The following SLIT2 variants were observed in gnomAD, a reference collection of about 807,000 sequenced individuals.
SLIT2 encodes the protein slit guidance ligand 2.
SLIT2 carries 41 observed loss-of-function variants against 185.7 expected under a neutral mutation model. The observed-to-expected ratio is 0.22, with a 90% CI of 0.17 to 0.29. The LOEUF is 0.29. Among genes scored for constraint, SLIT2 ranks in the 10% least tolerant of loss-of-function variants. The pLI is 1.00. For missense variants in SLIT2, 1,571 were observed against 1,909.0 expected (o/e 0.82, Z 3.30); for synonymous variants, 693 against 680.2 (o/e 1.02, Z -0.29).
intron 4 of SLIT2, among the ~76,000 whole-genome samples, chr4:20,306,986 C>A (rs956467280): frequency 2.0e-5 from 3 of 151,986 alleles, no homozygotes; most frequent in Non-Finnish European, 4.4e-5. Flanking sequence ...AAATTCATTT[C>A]TCTGATATAC....
Position 20,254,885 on chromosome 4 carries a change from G to T in SLIT2, c.179+891G>T. 1 of 455,782 alleles carries T rather than the reference G, an allele frequency of 2.2e-6. No homozygotes were observed. The allele number at this position is 455,782 out of a possible 1,614,324, so 28.2% of individuals were successfully genotyped here. The stretch of plus-strand genomic sequence containing the variant: ...AGTTCCCCTGCCTTCCCCTCTTCGC[G>T]CTCCGTTGCTCGCAGACGTCCCCGC... On this transcript the variant is annotated intron_variant, in intron 1 of 36. Coordinates refer to ENST00000504154, the MANE Select transcript of SLIT2 (RefSeq NM_004787.4). The surrounding 1 kb of genome is among the most constrained non-coding windows in gnomAD (Gnocchi z 5.1).
chr4:20,484,863 A>G lies in SLIT2; in HGVS notation c.540-1337A>G, dbSNP rs1376225423. On this transcript the variant is annotated intron_variant, in intron 6 of 36. Coordinates refer to ENST00000504154, the MANE Select transcript of SLIT2 (RefSeq NM_004787.4). This position sits in a 1 kb window ranked among gnomAD's most constrained non-coding sequence, Gnocchi z 4.3. ...TGCCACAAGAGAGACTATCATTGCTAGCTTACCATATTCTTCACATTCCCC... is the reference window on the plus strand; with the variant it reads ...TGCCACAAGAGAGACTATCATTGCTGGCTTACCATATTCTTCACATTCCCC... Among the ~76,000 whole-genome samples the G allele has an allele frequency of 6.6e-6, 1 of 152,114 alleles. No homozygotes were observed. Among genetic ancestry groups the G allele is most frequent in the Non-Finnish European group, 1.5e-5 (1 of 68,000 alleles).
At chr4:20,608,137 T>C (rs941735142) in intron 33 of SLIT2, among the ~76,000 whole-genome samples, 3 of 152,086 alleles carry the variant, frequency 2.0e-5, no homozygotes, top group Non-Finnish European at 2.9e-5. Context: ...GATACTAATA[T>C]CTAACATTAA....
intron 3 of SLIT2, among the ~76,000 whole-genome samples, chr4:20,266,167 G>A (rs930899148): frequency 6.6e-6 from 1 of 151,672 alleles, no homozygotes; most frequent in Non-Finnish European, 1.5e-5. Flanking sequence ...GAATAAGAAA[G>A]GGATAATAAT....
intron 36 of SLIT2, among the ~76,000 whole-genome samples, chr4:20,618,422 A>G (rs1261687322): frequency 6.6e-6 from 1 of 152,218 alleles, no homozygotes; most frequent in Non-Finnish European, 1.5e-5. Flanking sequence ...TACTCTCTGA[A>G]ACTGCTCCCT....
chr4:20,427,812 A>G (rs909873239), intron 4 of SLIT2, among the ~76,000 whole-genome samples: 2 of 152,094 alleles, frequency 1.3e-5, no homozygotes, highest in Admixed American at 6.6e-5. Context: ...CCCCAACTAC[A>G]TATAGAATGT....
chr4:20,525,253 A>G, intron 15 of SLIT2, 81 bp downstream of exon 15: 1 of 1,029,762 alleles, frequency 9.7e-7, no homozygotes. Context: ...ACTGATATGC[A>G]TGCTTCTGAA....
chr4:20,408,267 G>A (rs1337053861), intron 4 of SLIT2, among the ~76,000 whole-genome samples: 1 of 152,152 alleles, frequency 6.6e-6, no homozygotes, highest in Non-Finnish European at 1.5e-5. Context: ...GGAGAAAGAA[G>A]CTGAGATTAT....
At chr4:20,608,105 G>A (rs1020515209) in intron 33 of SLIT2, among the ~76,000 whole-genome samples, 2 of 151,980 alleles carry the variant, frequency 1.3e-5, no homozygotes, top group Non-Finnish European at 2.9e-5. Flanking sequence ...GTTGGGTGGG[G>A]GACCGATATG....
intron 4 of SLIT2, among the ~76,000 whole-genome samples, chr4:20,275,978 A>G (rs1360336900): frequency 2.0e-5 from 3 of 152,148 alleles, no homozygotes; most frequent in Non-Finnish European, 4.4e-5. Flanking sequence ...TTGCTAAGGA[A>G]CACTTTCACT....
At position 20,399,304 on chromosome 4, in the gene SLIT2, A is replaced by G. The variant is rs1726171157; in HGVS notation, c.396-68448A>G. 2.6e-5 allele frequency among the ~76,000 whole-genome samples: 4 copies of G among 151,656 alleles called. No homozygotes were observed. The Admixed American group carries it at 2.6e-4, about 10-fold the overall frequency. On this transcript the variant is annotated intron_variant, in intron 4 of 36. Transcript: ENST00000504154. ...AAGTTACAGAAGAATTTTAATTGAG[A>G]TAATATTACAATAAAAGTGCCTATA...
intron 4 of SLIT2, among the ~76,000 whole-genome samples, chr4:20,458,502 C>T: frequency 1.3e-5 from 2 of 152,188 alleles, no homozygotes; most frequent in African/African-American, 4.8e-5. Context: ...TGGACCTCTT[C>T]CCTAGCGATT....
At chr4:20,273,195 A>T (rs948946169) in intron 4 of SLIT2, among the ~76,000 whole-genome samples, 2 of 151,064 alleles carry the variant, frequency 1.3e-5, no homozygotes, top group African/African-American at 4.9e-5. Flanking sequence ...AAGGAGACTT[A>T]TTTTTTTTTA....
chr4:20,542,587 AG>A lies in SLIT2; in HGVS notation c.2239del (p.Val747SerfsTer33). 6.2e-7 allele frequency: 1 copy of A among 1,613,906 alleles called. No homozygotes were observed. ...TVVRCSNKGL[K>X]VLPKGIPRDV... ...GTCCGATGTAGCAACAAGGGTTTGA[AG>A]GTCTTGCCGAAAGGTATTCCAAGAG... On this transcript the variant is annotated frameshift_variant, in exon 21 of 37. Coordinates refer to ENST00000504154, the MANE Select transcript of SLIT2 (RefSeq NM_004787.4). LOFTEE classifies it high-confidence loss of function.
intron 17 of SLIT2, 60 bp downstream of exon 17, chr4:20,532,118 G>C: frequency 1.0e-6 from 1 of 960,428 alleles, no homozygotes; most frequent in South Asian, 1.6e-5. Flanking sequence ...GTTCATTTCA[G>C]TTAAGTTTCT....
At chr4:20,311,064 T>C (rs1181571537) in intron 4 of SLIT2, among the ~76,000 whole-genome samples, 1 of 152,190 alleles carries the variant, frequency 6.6e-6, no homozygotes, top group Non-Finnish European at 1.5e-5. Flanking sequence ...TTTTTTTAAT[T>C]TTTTGTTGAA....
At position 20,586,633 on chromosome 4, in the gene SLIT2, A is replaced by C. The variant is rs189826153; in HGVS notation, c.3089-3011A>C. Among the ~76,000 whole-genome samples the C allele has an allele frequency of 2.9e-3, 438 of 152,376 alleles. 4 individuals carry two copies. Among genetic ancestry groups the C allele is most frequent in the African/African-American group, 9.9e-3 (413 of 41,588 alleles). ...TATACAGTGTTTAAAACTGTTTAGC[A>C]TACAGTAGTAAGCATGATATAAATG... On this transcript the variant is annotated intron_variant, in intron 29 of 36. Transcript: ENST00000504154.
At chr4:20,441,939 A>AT (rs537803239) in intron 4 of SLIT2, among the ~76,000 whole-genome samples, 2 of 152,186 alleles carry the variant, frequency 1.3e-5, no homozygotes, top group Admixed American at 1.3e-4. Context: ...CCCAACACAT[A>AT]TTTTTTTAAA....
chr4:20,465,721 CTG>C (rs1458765374), intron 4 of SLIT2, among the ~76,000 whole-genome samples: 2 of 152,212 alleles, frequency 1.3e-5, no homozygotes, highest in Non-Finnish European at 2.9e-5. Context: ...GGCATTCTGA[CTG>C]TGCATTTCAC....
Sources: gnomAD v4.1 joint callset for allele counts (sites outside exome capture counted in the v4.1 genomes callset) on GRCh38, gnomAD v4.1.1 for gene constraint, Gnocchi (gnomAD v3.1) non-coding constraint, MANE v1.5 for transcripts, NCBI Gene and HGNC (gene_info 2026-07-23, HGNC 2026-07-21) for gene names.